GBE1: variants seen among roughly 807,000 people sequenced by gnomAD.
GBE1 encodes 1,4-alpha-glucan branching enzyme 1.
A neutral mutation model predicts 88.8 loss-of-function variants in GBE1; 70 were observed. The observed-to-expected ratio is 0.79, with a 90% CI of 0.65 to 0.96. The LOEUF is 0.96. Ranked by LOEUF, GBE1 falls within the 40% of genes least tolerant of loss-of-function variation. The pLI, the probability that GBE1 is intolerant of heterozygous loss-of-function variation, is 0.00. For missense variants in GBE1, 872 were observed against 871.0 expected, an observed-to-expected ratio of 1.00 and a Z score of -0.01; for synonymous variants, 284 against 300.1, an observed-to-expected ratio of 0.95 and a Z score of 0.56.
chr3:81,760,762 G>T (rs549914236), intron 1 of GBE1, among the ~76,000 whole-genome samples: 38 of 152,120 alleles, frequency 2.5e-4, no homozygotes, highest in Non-Finnish European at 5.0e-4. Context: ...AGTCACACAC[G>T]GACAAATGTT....
At chr3:81,673,932 C>G (rs1439169736) in intron 2 of GBE1, among the ~76,000 whole-genome samples, 2 of 151,778 alleles carry the variant, frequency 1.3e-5, no homozygotes, top group Non-Finnish European at 3.0e-5. Context: ...TATTTACCCC[C>G]ACCCAAAAAA....
At chr3:81,714,469 TAATTA>T (rs1231287261) in intron 1 of GBE1, among the ~76,000 whole-genome samples, 1 of 152,174 alleles carries the variant, frequency 6.6e-6, no homozygotes, top group Non-Finnish European at 1.5e-5. Context: ...AATACACTAT[TAATTA>T]ATGTATTCAA....
At chr3:81,697,331 G>A (rs9826069) in intron 2 of GBE1, among the ~76,000 whole-genome samples, 57,333 of 148,526 alleles carry the variant, frequency 0.39, 11,417 homozygotes, top group East Asian at 0.52. Context: ...GCGGAGTCTC[G>A]CTCTGTCATC....
chr3:81,691,270 G>A (rs1228812021), intron 2 of GBE1, among the ~76,000 whole-genome samples: 1 of 152,082 alleles, frequency 6.6e-6, no homozygotes, highest in Non-Finnish European at 1.5e-5. Flanking sequence ...ATTTCAATTT[G>A]TGATTCCTCA....
At chr3:81,657,139 A>C (rs141058736) in intron 3 of GBE1, among the ~76,000 whole-genome samples, 26 of 150,978 alleles carry the variant, frequency 1.7e-4, no homozygotes, top group Non-Finnish European at 2.8e-4. Flanking sequence ...CGTCTCAAAA[A>C]AAAAAAAAAC....
intron 7 of GBE1, among the ~76,000 whole-genome samples, chr3:81,639,428 C>T (rs1704638833): frequency 1.3e-5 from 2 of 151,826 alleles, no homozygotes; most frequent in African/African-American, 4.8e-5. Flanking sequence ...AATATTTCCA[C>T]ATGAACAGGT....
chr3:81,665,167 A>G (rs2107104404), intron 3 of GBE1, among the ~76,000 whole-genome samples: 1 of 152,294 alleles, frequency 6.6e-6, no homozygotes, highest in South Asian at 2.1e-4. Flanking sequence ...CCTCTTAGAA[A>G]TGCTGATTAA....
intron 12 of GBE1, among the ~76,000 whole-genome samples, chr3:81,575,045 G>T (rs1703626489): frequency 6.6e-6 from 1 of 151,688 alleles, no homozygotes; most frequent in Non-Finnish European, 1.5e-5. Context: ...GGCACCTGTA[G>T]TCCCAGTTAC....
chr3:81,716,144 A>G (rs909796400), intron 1 of GBE1, among the ~76,000 whole-genome samples: 7 of 151,920 alleles, frequency 4.6e-5, no homozygotes, highest in African/African-American at 1.7e-4. Flanking sequence ...AAAAATTGTT[A>G]GTGTCTTATT....
chr3:81,740,061 C>T (rs899340571), intron 1 of GBE1, among the ~76,000 whole-genome samples: 1 of 152,072 alleles, frequency 6.6e-6, no homozygotes, highest in East Asian at 1.9e-4. Context: ...CCCATCTCTA[C>T]AAAAAATTTA....
chr3:81,523,215 G>T (rs1427585081), intron 14 of GBE1, among the ~76,000 whole-genome samples: 1 of 150,334 alleles, frequency 6.7e-6, no homozygotes, highest in Non-Finnish European at 1.5e-5. Flanking sequence ...TTCAATATTT[G>T]TTAAAGTTAA....
intron 12 of GBE1, among the ~76,000 whole-genome samples, chr3:81,561,558 G>GA (rs1703417315): frequency 6.6e-6 from 1 of 151,994 alleles, no homozygotes; most frequent in Non-Finnish European, 1.5e-5. Context: ...TTTACTGACT[G>GA]ACATGACAAG....
intron 14 of GBE1, among the ~76,000 whole-genome samples, chr3:81,502,957 G>A (rs1331611073): frequency 6.6e-6 from 1 of 152,204 alleles, no homozygotes; most frequent in Non-Finnish European, 1.5e-5. Context: ...AAGGTCATCT[G>A]TTATCCATAG....
chr3:81,576,943 T>C (rs188314518), intron 12 of GBE1, among the ~76,000 whole-genome samples: 1 of 152,056 alleles, frequency 6.6e-6, no homozygotes, highest in African/African-American at 2.4e-5. Context: ...AATTCAAAGA[T>C]CCAGGGCTTT....
At chr3:81,633,076 TACA>T (rs1704539219) in intron 7 of GBE1, among the ~76,000 whole-genome samples, 1 of 152,230 alleles carries the variant, frequency 6.6e-6, no homozygotes, top group African/African-American at 2.4e-5. Flanking sequence ...AATAGTGTGA[TACA>T]ACAACGAACA....
chr3:81,630,340 C>G (rs148569003), intron 7 of GBE1, among the ~76,000 whole-genome samples: 1 of 152,030 alleles, frequency 6.6e-6, no homozygotes, highest in Non-Finnish European at 1.5e-5. Context: ...ATGGCCATCC[C>G]CATCAAGCTA....
intron 8 of GBE1, among the ~76,000 whole-genome samples, chr3:81,593,403 T>C (rs966527291): frequency 3.7e-4 from 55 of 149,740 alleles, no homozygotes; most frequent in African/African-American, 5.1e-4. Context: ...ATAATAATTG[T>C]TCCCATGTCA....
chr3:81,645,517 T>TG (rs1157842463), intron 6 of GBE1, among the ~76,000 whole-genome samples: 2 of 152,170 alleles, frequency 1.3e-5, no homozygotes, highest in Non-Finnish European at 2.9e-5. Context: ...ACCGCATACT[T>TG]GGAGTGGGCT....
chr3:81,508,998 T>A (rs1416942737), intron 14 of GBE1, among the ~76,000 whole-genome samples: 2 of 152,126 alleles, frequency 1.3e-5, no homozygotes, highest in Non-Finnish European at 2.9e-5. Context: ...TATGTAGCAC[T>A]GGGAAAAGTA....
Sources: allele counts gnomAD v4.1 joint callset (sites outside exome capture counted in the v4.1 genomes callset), GRCh38; gene constraint gnomAD v4.1.1; transcripts MANE v1.5; gene names NCBI Gene and HGNC (gene_info 2026-07-23, HGNC 2026-07-21).